Variants in MUC5B observed in about 807,000 individuals in gnomAD.
MUC5B encodes the protein mucin 5B, oligomeric mucus/gel-forming.
Under a neutral mutation model 376.9 loss-of-function variants are expected in MUC5B, and 116 were observed. The ratio of observed to expected loss-of-function variants is 0.31; its 90% confidence interval spans 0.26 to 0.36. The LOEUF (loss-of-function observed/expected upper bound fraction) is 0.36. Ranked by LOEUF, MUC5B falls within the 10% of genes least tolerant of loss-of-function variation. MUC5B has a pLI of 1.00. For missense variants in MUC5B, 7,165 were observed against 7,769.9 expected, an observed-to-expected ratio of 0.92 and a Z score of 2.93; for synonymous variants, 3,517 against 3,390.9, an observed-to-expected ratio of 1.04 and a Z score of -1.29.
intron 31 of MUC5B, among the ~76,000 whole-genome samples, chr11:1,252,126 A>G (rs909967696): frequency 1.5e-5 from 2 of 131,312 alleles, no homozygotes; most frequent in African/African-American, 5.9e-5. Flanking sequence ...ACTGGCCACA[A>G]TCCATCCCCA....
rs543313459 is a variant in MUC5B at position 1,233,714 on chromosome 11, G to A, written c.2322-79G>A. On this transcript the variant is annotated intron_variant, in intron 18 of 48. Transcript: ENST00000529681. Reference sequence around the variant, plus strand: ...GCCAGGCTGGGGAGGCCCAGCGTTCGGCGGGGGCTCGGAAGCCCGGGGGTG... The same window carrying A: ...GCCAGGCTGGGGAGGCCCAGCGTTCAGCGGGGGCTCGGAAGCCCGGGGGTG... The A allele has an allele frequency of 1.5e-5, 21 of 1,436,452 alleles. No homozygotes were observed. In the African/African-American group the frequency reaches 2.1e-4, roughly 14 times the overall value. The allele number at this position is 1,436,452 out of a possible 1,614,324, so 89.0% of individuals were successfully genotyped here.
rs768801204 is a variant in MUC5B at position 1,249,382 on chromosome 11, C to G, written c.12502C>G (p.Gln4168Glu). Residue 4168 changes from glutamine (Q) to glutamate (E), a missense_variant, in exon 31 of 49, where the codon CAG becomes GAG. Physicochemically the swap from Gln to Glu is conservative, Grantham distance 29. Around this residue, in one of 31 missense-constraint regions of MUC5B, gnomAD observed 34 missense variants for 25.7 expected, o/e 1.32. Transcript: ENST00000529681. ...TGCGGCCGGAGGGGCCGTCTGTGAGCAGCCCCTGGGCCTCGAGTGCCGTGC... is the reference window on the plus strand; with the variant it reads ...TGCGGCCGGAGGGGCCGTCTGTGAGGAGCCCCTGGGCCTCGAGTGCCGTGC... ...IRAAGGAVCEQPLGLECRAQA... is the reference protein window; with the variant it reads ...IRAAGGAVCEEPLGLECRAQA... The G allele has an allele frequency of 1.9e-5, 31 of 1,611,046 alleles. No individual in the cohort carries two copies. The highest frequency in any genetic ancestry group is 2.5e-5 in the Non-Finnish European group (29 of 1,179,602).
In MUC5B at chr11:1,248,355, C is replaced by T. The variant is rs780854804; in HGVS notation, c.11475C>T (p.Ser3825=). 3 of 1,612,720 alleles carry T rather than the reference C, an allele frequency of 1.9e-6. No homozygotes were observed. Among genetic ancestry groups the T allele is most frequent in the African/African-American group, 1.3e-5 (1 of 74,592 alleles). Residue 3825 remains serine, a synonymous_variant, in exon 31 of 49, where the codon TCC becomes TCT. Transcript: ENST00000529681. ...PTATMSTATP[S]STPETAHTST... ...CCACCATGTCCACAGCCACACCCTCCTCCACTCCAGAGACTGCCCACACCT... is the reference window on the plus strand; with the variant it reads ...CCACCATGTCCACAGCCACACCCTCTTCCACTCCAGAGACTGCCCACACCT...
chr11:1,257,414 C>A lies in MUC5B; in HGVS notation c.16270-116C>A. 2 of 1,265,950 alleles carry A rather than the reference C, an allele frequency of 1.6e-6. No homozygotes were observed. The highest frequency in any genetic ancestry group is 2.2e-6 in the Non-Finnish European group (2 of 889,422). The allele number at this position is 1,265,950 out of a possible 1,614,324, so 78.4% of individuals were successfully genotyped here. On this transcript the variant is annotated intron_variant, in intron 40 of 48. Coordinates refer to ENST00000529681, the MANE Select transcript of MUC5B (RefSeq NM_002458.3). This position sits in a 1 kb window ranked among gnomAD's most constrained non-coding sequence, Gnocchi z 8.9. Reference sequence around the variant, plus strand: ...GCCAGTGGCTGGTGTGCGCTTCCTGCCCCATCACTCTGGGCCACTCGGGTA... The same window carrying A: ...GCCAGTGGCTGGTGTGCGCTTCCTGACCCATCACTCTGGGCCACTCGGGTA...
rs529974907 is a variant in MUC5B at position 1,247,238 on chromosome 11, C to A, written c.10358C>A (p.Thr3453Asn). Residue 3453 changes from threonine (T) to asparagine (N), a missense_variant, in exon 31 of 49, where the codon ACC (threonine) becomes AAC (asparagine). Around this residue, in one of 31 missense-constraint regions of MUC5B, gnomAD observed 939 missense variants for 770.6 expected, o/e 1.22. Transcript: ENST00000529681. ...HTPPVPNTTA[T>N]THGRSLPPSS... is the part of the protein sequence containing the mutation. The stretch of plus-strand genomic sequence containing the variant: ...CCCCCAGTGCCGAACACCACGGCCA[C>A]CACACACGGGCGGTCCCTGCCCCCC... The A allele has an allele frequency of 4.7e-5, 75 of 1,612,408 alleles. 1 individual carries two copies. The Middle Eastern group carries it at 2.2e-3, about 48-fold the overall frequency.
At position 1,258,025 on chromosome 11, in the gene MUC5B, C is replaced by G. The variant is rs960245018; in HGVS notation, c.16451-74C>G. On this transcript the variant is annotated intron_variant, in intron 41 of 48. Coordinates refer to ENST00000529681, the MANE Select transcript of MUC5B (RefSeq NM_002458.3). The surrounding 1 kb of genome is among the most constrained non-coding windows in gnomAD (Gnocchi z 5.5). ...AGGTCCTCGGGGAAAAGCACGCCTGCGACTTACTCTGGGAACAAGTGGTCG... is the reference window on the plus strand; with the variant it reads ...AGGTCCTCGGGGAAAAGCACGCCTGGGACTTACTCTGGGAACAAGTGGTCG... 19 of 1,416,100 alleles carry G rather than the reference C, an allele frequency of 1.3e-5. No individual in the cohort carries two copies. Among genetic ancestry groups the G allele is most frequent in the Non-Finnish European group, 1.6e-5 (17 of 1,031,688 alleles). 87.7% of individuals were successfully genotyped at this position (1,416,100 alleles called of 1,614,324 possible). A position where few individuals can be genotyped will look rare whatever the true frequency, so the allele number is the denominator to read the frequency against.
At chr11:1,225,850 C>A in intron 2 of MUC5B, 113 bp downstream of exon 2, 1 of 997,642 alleles carries the variant, frequency 1.0e-6, no homozygotes, top group Non-Finnish European at 1.5e-6. Flanking sequence ...CAGAGACCCT[C>A]CCTGGGTCCC....
chr11:1,250,745 C>T lies in MUC5B; in HGVS notation c.13865C>T (p.Thr4622Ile). The change falls in exon 31 of 49, where the codon ACC becomes ATC. Residue 4622 changes from threonine to isoleucine, a missense_variant. This residue lies in a region of MUC5B where 730 missense variants were observed against 592.7 expected (regional missense o/e 1.23). Coordinates refer to ENST00000529681, the MANE Select transcript of MUC5B (RefSeq NM_002458.3). Reference protein sequence around the residue: ...ALTPPVWISTTTTPTTTTPTT... With the variant: ...ALTPPVWISTITTPTTTTPTT... ...ACGCCTCCAGTGTGGATCAGCACAA[C>T]CACCACACCCACAACCACCACACCC... 1 of 1,600,816 alleles carries T rather than the reference C, an allele frequency of 6.2e-7. No homozygotes were observed. Among genetic ancestry groups the T allele is most frequent in the East Asian group, 2.2e-5 (1 of 44,712 alleles).
chr11:1,245,908 G>C lies in MUC5B; in HGVS notation c.9028G>C (p.Ala3010Pro), dbSNP rs199669216. The change falls in exon 31 of 49, where the codon GCC becomes CCC. Residue 3010 changes from alanine to proline, a missense_variant. Ala to Pro is a conservative substitution (Grantham distance 27). Around this residue, in one of 31 missense-constraint regions of MUC5B, gnomAD observed 939 missense variants for 770.6 expected, o/e 1.22. Transcript: ENST00000529681. ...ATTTATTGST[A>P]IPSSTPGTAP... ...TACGACCGCAACCACTGGATCCACG[G>C]CCATCCCGTCCTCCACCCCGGGAAC... The C allele has an allele frequency of 1.2e-6, 2 of 1,612,786 alleles. No individual in the cohort carries two copies. The highest frequency in any genetic ancestry group is 1.7e-4 in the Middle Eastern group (1 of 6,060).
At position 1,227,070 on chromosome 11, in the gene MUC5B, G is replaced by A. The variant is rs756735946; in HGVS notation, c.501G>A (p.Glu167=). The A allele has an allele frequency of 1.2e-6, 2 of 1,612,212 alleles. No individual in the cohort carries two copies. The highest frequency in any genetic ancestry group is 2.7e-5 in the African/African-American group (2 of 74,934). The change falls in exon 5 of 49, where the codon GAG becomes GAA. Residue 167 remains glutamate, a synonymous_variant. Coordinates refer to ENST00000529681, the MANE Select transcript of MUC5B (RefSeq NM_002458.3). Reference sequence around the variant, plus strand: ...ACAGCCGCACTGGCCTCCTGGTGGAGCAGAGCGGGGACTACATCAAGGTCA... The same window carrying A: ...ACAGCCGCACTGGCCTCCTGGTGGAACAGAGCGGGGACTACATCAAGGTCA... ...LPYSRTGLLV[E]QSGDYIKVSI...
rs748127429 is a variant in MUC5B at position 1,245,800 on chromosome 11, A to G, written c.8920A>G (p.Thr2974Ala). Residue 2974 changes from threonine to alanine, a missense_variant, in exon 31 of 49, where the codon ACC becomes GCC. Thr to Ala is a moderately conservative substitution (Grantham distance 58, BLOSUM62 0). Transcript: ENST00000529681. ...CTGCAACTACGGCCACTGCCCCAGC[A>G]CCCCGGCCACCAGCTCTACGGCCAC... ...FCCNYGHCPS[T>A]PATSSTATPS... 6.2e-6 allele frequency: 10 copies of G among 1,612,500 alleles called. No individual in the cohort carries two copies. Among genetic ancestry groups the G allele is most frequent in the African/African-American group, 1.3e-5 (1 of 74,298 alleles).
rs1437676971 is a variant in MUC5B, at chr11:1,229,893, G to A, written c.1220+86G>A. The A allele has an allele frequency of 7.8e-6, 12 of 1,546,230 alleles. No individual in the cohort carries two copies. In the South Asian group the frequency reaches 9.4e-5, roughly 12 times the overall value. On this transcript the variant is annotated intron_variant, in intron 10 of 48. Coordinates refer to ENST00000529681, the MANE Select transcript of MUC5B (RefSeq NM_002458.3). ...ACCCGCCAGCCTCTGCCTGGGGTGG[G>A]GGTGTGGAGCTCCTGGTGTGCACCC...
At chr11:1,233,585 C>G (rs1313043698) in intron 18 of MUC5B, among the ~76,000 whole-genome samples, 4 of 152,176 alleles carry the variant, frequency 2.6e-5, no homozygotes, top group African/African-American at 9.7e-5. Flanking sequence ...AGGGTCCTGG[C>G]TGCTTTGCTG....
chr11:1,235,668 T>C (rs1054678254), intron 23 of MUC5B, among the ~76,000 whole-genome samples: 3 of 152,152 alleles, frequency 2.0e-5, no homozygotes, highest in Non-Finnish European at 4.4e-5. Context: ...TTCCTGCCTC[T>C]CCCAGCTTCA....
At chr11:1,239,354 C>T in intron 26 of MUC5B, 84 bp from the exon 27 acceptor site, 1 of 1,505,726 alleles carries the variant, frequency 6.6e-7, no homozygotes, top group Admixed American at 2.2e-5. Flanking sequence ...GACACCGGCC[C>T]CCACGCCCGG....
chr11:1,239,658 C>T, intron 27 of MUC5B, 92 bp downstream of exon 27: 2 of 1,493,998 alleles, frequency 1.3e-6, no homozygotes, highest in Non-Finnish European at 1.8e-6. Context: ...GCGGTGTAGG[C>T]TCCCGTAAAC....
In MUC5B at chr11:1,241,347, C is replaced by T; in HGVS notation, c.4467C>T (p.Gly1489=). The part of the protein sequence containing the change: ...ALTSQTGSSS[G]PVTVTPSAPG... ...CCTCGCAGACTGGGTCCAGCTCAGG[C>T]CCCGTGACGGTCACCCCCTCGGCCC... Residue 1489 remains glycine, a synonymous_variant, in exon 31 of 49, where the codon GGC becomes GGT. Coordinates refer to ENST00000529681, the MANE Select transcript of MUC5B (RefSeq NM_002458.3). 1 of 1,611,610 alleles carries T rather than the reference C, an allele frequency of 6.2e-7. No homozygotes were observed. The highest frequency in any genetic ancestry group is 8.5e-7 in the Non-Finnish European group (1 of 1,178,880).
intron 25 of MUC5B, 92 bp downstream of exon 25, chr11:1,237,256 C>A: frequency 7.8e-7 from 1 of 1,288,906 alleles, no homozygotes; most frequent in Middle Eastern, 2.9e-4. Flanking sequence ...GACAGCAGCG[C>A]TCCAAGGAGG....
In MUC5B at chr11:1,248,006, C is replaced by T. The variant is rs199858725; in HGVS notation, c.11126C>T (p.Thr3709Met). The T allele has an allele frequency of 3.3e-3, 5,366 of 1,609,794 alleles. 126 individuals carry two copies. The highest frequency in any genetic ancestry group is 4.2e-3 in the Non-Finnish European group (4,941 of 1,177,566). ...ACTACGACTGAGTCCACTGGATCCA[C>T]GGCCACCCCGTCCTCCACCCCAGGG... The part of the protein sequence containing the change: ...TATTTESTGS[T>M]ATPSSTPGTT... The change falls in exon 31 of 49, where the codon ACG becomes ATG. Residue 3709 changes from threonine (T) to methionine (M), a missense_variant. Physicochemically the swap from Thr to Met is moderately conservative, Grantham distance 81. Coordinates refer to ENST00000529681, the MANE Select transcript of MUC5B (RefSeq NM_002458.3).
Sources: allele counts gnomAD v4.1 joint callset (sites outside exome capture counted in the v4.1 genomes callset), GRCh38; gene constraint gnomAD v4.1.1; regional missense constraint gnomAD v4.1.1; non-coding constraint Gnocchi (gnomAD v3.1); transcripts MANE v1.5; gene names NCBI Gene and HGNC (gene_info 2026-07-23, HGNC 2026-07-21).